Variants in PALLD observed in about 807,000 individuals in gnomAD.
PALLD encodes the protein palladin.
PALLD carries 61 observed loss-of-function variants against 123.5 expected under a neutral mutation model. That is an observed-to-expected ratio of 0.49 (90% CI 0.40 to 0.61). PALLD has a LOEUF of 0.61. PALLD is among the 20% of genes least tolerant of loss of function. PALLD has a pLI of 0.00. For synonymous variants in PALLD, 465 were observed against 496.4 expected, an observed-to-expected ratio of 0.94 and a Z score of 0.84; for missense variants, 1,273 against 1,377.0, an observed-to-expected ratio of 0.92 and a Z score of 1.20.
chr4:168,733,189 C>A (rs1054857070), intron 10 of PALLD, among the ~76,000 whole-genome samples: 4 of 152,032 alleles, frequency 2.6e-5, no homozygotes, highest in Admixed American at 6.5e-5. Context: ...CATTAAAATT[C>A]TCTTCTTTTA....
At chr4:168,915,506 T>A (rs950470865) in intron 16 of PALLD, among the ~76,000 whole-genome samples, 1 of 152,222 alleles carries the variant, frequency 6.6e-6, no homozygotes, top group African/African-American at 2.4e-5. Flanking sequence ...TCAGAACTTT[T>A]AATTTCCTAC....
chr4:168,536,818 G>A (rs1765138108), intron 2 of PALLD, among the ~76,000 whole-genome samples: 1 of 146,178 alleles, frequency 6.8e-6, no homozygotes, highest in African/African-American at 2.6e-5. Context: ...CATCAGCATT[G>A]AAAAGGTTCT....
At chr4:168,767,425 G>A (rs1217208616) in intron 10 of PALLD, among the ~76,000 whole-genome samples, 1 of 152,088 alleles carries the variant, frequency 6.6e-6, no homozygotes, top group Admixed American at 6.5e-5. Context: ...TGCCCAAATT[G>A]CAGTATCCAG....
At chr4:168,626,294 C>A (rs201815937) in intron 2 of PALLD, among the ~76,000 whole-genome samples, 10 of 149,286 alleles carry the variant, frequency 6.7e-5, no homozygotes, top group Admixed American at 6.1e-4. Context: ...CCCAGCTACT[C>A]GGGAGGCTGA....
At chr4:168,793,153 A>ACG (rs1491450672) in intron 10 of PALLD, among the ~76,000 whole-genome samples, 35 of 140,398 alleles carry the variant, frequency 2.5e-4, no homozygotes, top group Non-Finnish European at 4.3e-4. Context: ...ATATGTGTGC[A>ACG]TATATATACA....
At chr4:168,753,948 A>C (rs1015162356) in intron 10 of PALLD, among the ~76,000 whole-genome samples, 8 of 152,190 alleles carry the variant, frequency 5.3e-5, no homozygotes, top group Admixed American at 1.3e-4. Flanking sequence ...TAAGCCAATA[A>C]ATTTTGAGGT....
chr4:168,521,407 T>A (rs1043364631), intron 2 of PALLD, among the ~76,000 whole-genome samples: 72 of 152,172 alleles, frequency 4.7e-4, no homozygotes, highest in Admixed American at 5.2e-4. Context: ...ATGGAAATAA[T>A]AGAAGTACCC....
intron 15 of PALLD, among the ~76,000 whole-genome samples, chr4:168,906,514 G>A (rs1757828480): frequency 6.6e-6 from 1 of 152,110 alleles, no homozygotes; most frequent in South Asian, 2.1e-4. Context: ...CTAGATGAAG[G>A]TGAGCTGCTG....
chr4:168,538,034 C>T (rs1765257167), intron 2 of PALLD, among the ~76,000 whole-genome samples: 1 of 152,248 alleles, frequency 6.6e-6, no homozygotes, highest in Admixed American at 6.5e-5. Flanking sequence ...GATCTTTTCC[C>T]TGTTTTAACA....
At chr4:168,663,145 A>G (rs1779286029) in intron 2 of PALLD, among the ~76,000 whole-genome samples, 1 of 152,196 alleles carries the variant, frequency 6.6e-6, no homozygotes, top group African/African-American at 2.4e-5. Flanking sequence ...CCCTGTTTGA[A>G]AATGTAGGTT....
intron 10 of PALLD, among the ~76,000 whole-genome samples, chr4:168,768,676 T>C (rs1734003054): frequency 6.6e-6 from 1 of 152,212 alleles, no homozygotes; most frequent in Non-Finnish European, 1.5e-5. Context: ...TGGTATGTTT[T>C]TTCTTTTGTT....
intron 10 of PALLD, among the ~76,000 whole-genome samples, chr4:168,817,371 T>C (rs759028647): frequency 3.3e-5 from 5 of 152,212 alleles, no homozygotes; most frequent in Non-Finnish European, 5.9e-5. Flanking sequence ...TGGAAACCCA[T>C]TTTCAGACAT....
At chr4:168,679,854 A>G (rs1781366927) in intron 3 of PALLD, among the ~76,000 whole-genome samples, 1 of 152,032 alleles carries the variant, frequency 6.6e-6, no homozygotes. Context: ...GAAGGAGGAG[A>G]TGGGAAGACA....
intron 10 of PALLD, among the ~76,000 whole-genome samples, chr4:168,871,784 C>T (rs1459391849): frequency 6.6e-6 from 1 of 152,214 alleles, no homozygotes; most frequent in Non-Finnish European, 1.5e-5. Flanking sequence ...GTGTTAGATT[C>T]CTCAGGCACA....
chr4:168,908,704 A>AG (rs1758319481), intron 15 of PALLD, among the ~76,000 whole-genome samples: 1 of 152,176 alleles, frequency 6.6e-6, no homozygotes, highest in African/African-American at 2.4e-5. Flanking sequence ...AGTACACTGT[A>AG]GCCCAGATGA....
At chr4:168,580,235 C>T (rs1453157707) in intron 2 of PALLD, among the ~76,000 whole-genome samples, 1 of 140,712 alleles carries the variant, frequency 7.1e-6, no homozygotes, top group African/African-American at 2.8e-5. Context: ...TATTATTTCA[C>T]TGTGGTGTGT....
intron 10 of PALLD, among the ~76,000 whole-genome samples, chr4:168,714,927 A>C (rs893860733): frequency 2.0e-5 from 3 of 152,176 alleles, no homozygotes; most frequent in African/African-American, 7.2e-5. Flanking sequence ...AAAGAAAAAA[A>C]AAATTCAAGA....
chr4:168,732,392 T>C (rs1293589196), intron 10 of PALLD, among the ~76,000 whole-genome samples: 1 of 152,194 alleles, frequency 6.6e-6, no homozygotes, highest in African/African-American at 2.4e-5. Flanking sequence ...CGAAGAAATG[T>C]GATATGTATT....
At chr4:168,831,951 TC>T in intron 10 of PALLD, 9 of 959,256 alleles carry the variant, frequency 9.4e-6, no homozygotes, top group Non-Finnish European at 1.1e-5. Flanking sequence ...GGGGGCCGCG[TC>T]CCAGAGCTGC....
Sources: gnomAD v4.1 joint callset for allele counts (sites outside exome capture counted in the v4.1 genomes callset) on GRCh38, gnomAD v4.1.1 for gene constraint, MANE v1.5 for transcripts, NCBI Gene and HGNC (gene_info 2026-07-23, HGNC 2026-07-21) for gene names.